The following LRBA variants were observed in gnomAD, a reference collection of about 807,000 sequenced individuals.
LRBA encodes lipopolysaccharide-responsive and beige-like anchor protein.
Under a neutral mutation model 330.0 loss-of-function variants are expected in LRBA, and 176 were observed. The observed-to-expected ratio is 0.53, with a 90% CI of 0.47 to 0.60. The LOEUF (loss-of-function observed/expected upper bound fraction) is 0.60. Ranked by LOEUF, LRBA falls within the 20% of genes least tolerant of loss-of-function variation. The probability of loss-of-function intolerance (pLI) is 0.00; values close to 1 mark genes in which losing one functional copy is unlikely to be tolerated. For synonymous variants in LRBA, 1,230 were observed against 1,193.0 expected (o/e 1.03, Z -0.64); for missense variants, 3,259 against 3,444.8 (o/e 0.95, Z 1.35).
At position 150,806,237 on chromosome 4, in the gene LRBA, A is replaced by G. The variant is rs377368604; in HGVS notation, c.5518+34T>C. The G allele has an allele frequency of 2.2e-5, 31 of 1,440,800 alleles. No individual in the cohort carries two copies. In the African/African-American group the frequency reaches 3.4e-4, roughly 16 times the overall value. The allele number at this position is 1,440,800 out of a possible 1,614,324, so 89.3% of individuals were successfully genotyped here. A position where few individuals can be genotyped will look rare whatever the true frequency, so the allele number is the denominator to read the frequency against. ...GTAAGTTTTTAATCCTGAAATATAAATACATACAAATAAAATAAAGAAAAA... is the reference window on the plus strand; with the variant it reads ...GTAAGTTTTTAATCCTGAAATATAAGTACATACAAATAAAATAAAGAAAAA... On this transcript the variant is annotated intron_variant, in intron 33 of 56. Transcript: ENST00000651943.
intron 44 of LRBA, among the ~76,000 whole-genome samples, chr4:150,462,103 A>G (rs930510432): frequency 1.3e-5 from 2 of 151,798 alleles, no homozygotes; most frequent in African/African-American, 4.8e-5. Context: ...GTTGAATCTT[A>G]TCTCTTCCAA....
chr4:150,858,819 G>A (rs1055983480), intron 22 of LRBA, among the ~76,000 whole-genome samples: 2 of 152,108 alleles, frequency 1.3e-5, no homozygotes, highest in African/African-American at 4.8e-5. Context: ...ACCATGTCCA[G>A]CCAATTTTGT....
At position 150,325,907 on chromosome 4, in the gene LRBA, G is replaced by C. The variant is rs1733190248; in HGVS notation, c.7363-9C>G. The stretch of plus-strand genomic sequence containing the variant: ...ATTTGAGCTTCAACAGCCTGAAAAG[G>C]GCAGGGGCAAGTCTGAAGGTTAAGA... On this transcript the variant is annotated splice_polypyrimidine_tract_variant and intron_variant, in intron 48 of 56. Coordinates refer to ENST00000651943, the MANE Select transcript of LRBA (RefSeq NM_001364905.1). 3 of 1,562,840 alleles carry C rather than the reference G, an allele frequency of 1.9e-6. No individual in the cohort carries two copies. In the Admixed American group the frequency reaches 5.0e-5, roughly 26 times the overall value.
At chr4:150,324,911 T>A (rs372088784) in intron 49 of LRBA, among the ~76,000 whole-genome samples, 17 of 152,180 alleles carry the variant, frequency 1.1e-4, no homozygotes, top group African/African-American at 3.9e-4. Context: ...CTGCCAATTT[T>A]TTTTTCCTCA....
chr4:150,433,442 G>A (rs1750693694), intron 46 of LRBA, among the ~76,000 whole-genome samples: 1 of 152,058 alleles, frequency 6.6e-6, no homozygotes, highest in South Asian at 2.1e-4. Flanking sequence ...GGAATGTCTA[G>A]TACAGATAGA....
At chr4:150,455,345 C>T (rs62344662) in intron 44 of LRBA, among the ~76,000 whole-genome samples, 33,051 of 151,398 alleles carry the variant, frequency 0.22, 4,357 homozygotes, top group Non-Finnish European at 0.3. Flanking sequence ...ATGTTTATTG[C>T]GGCATTATTC....
At chr4:150,606,662 G>A (rs1041475242) in intron 37 of LRBA, among the ~76,000 whole-genome samples, 2 of 152,144 alleles carry the variant, frequency 1.3e-5, no homozygotes, top group Non-Finnish European at 1.5e-5. Flanking sequence ...TTTTAAAGGT[G>A]ACGAAAGTAA....
intron 37 of LRBA, among the ~76,000 whole-genome samples, chr4:150,653,730 G>C (rs1232708621): frequency 6.6e-6 from 1 of 152,058 alleles, no homozygotes; most frequent in Non-Finnish European, 1.5e-5. Flanking sequence ...TTCGCTTCTC[G>C]ATTTTTAATA....
chr4:150,953,640 A>G (rs1468485712), intron 2 of LRBA, among the ~76,000 whole-genome samples: 1 of 152,108 alleles, frequency 6.6e-6, no homozygotes, highest in Admixed American at 6.5e-5. Context: ...CCGGGATTGC[A>G]GACAGAGTCT....
At chr4:150,417,627 T>C (rs1747968462) in intron 46 of LRBA, among the ~76,000 whole-genome samples, 1 of 152,206 alleles carries the variant, frequency 6.6e-6, no homozygotes, top group South Asian at 2.1e-4. Flanking sequence ...CATGCTCTTG[T>C]TTTATAATTC....
chr4:150,839,009 A>AC (rs1296850726), intron 28 of LRBA, among the ~76,000 whole-genome samples: 1 of 152,226 alleles, frequency 6.6e-6, no homozygotes, highest in African/African-American at 2.4e-5. Flanking sequence ...AAGGGCTAAT[A>AC]TCCAGAATCT....
intron 2 of LRBA, among the ~76,000 whole-genome samples, chr4:150,981,899 G>T (rs1740890026): frequency 6.6e-6 from 1 of 150,694 alleles, no homozygotes; most frequent in Admixed American, 6.6e-5. Flanking sequence ...GGAGGCGGAG[G>T]TTGCAGGGAG....
At chr4:150,841,606 G>A (rs1011969229) in intron 28 of LRBA, among the ~76,000 whole-genome samples, 14 of 151,574 alleles carry the variant, frequency 9.2e-5, no homozygotes, top group African/African-American at 2.4e-4. Flanking sequence ...TATTTATGTC[G>A]TCGATCTTAG....
rs1281101002 is a variant in LRBA, at chr4:150,900,092, T to A, written c.1881A>T (p.Ala627=). 1.2e-6 allele frequency: 2 copies of A among 1,613,464 alleles called. No homozygotes were observed. The highest frequency in any genetic ancestry group is 2.7e-5 in the African/African-American group (2 of 74,914). Reference sequence around the variant, plus strand: ...TACCACTTCGATCCTGAGGATTCACTGCCCAGTAGTAGTACTTCAGCGTGT... The same window carrying A: ...TACCACTTCGATCCTGAGGATTCACAGCCCAGTAGTAGTACTTCAGCGTGT... ...IMHTLKYYYW[A]VNPQDRSGIT... is the part of the protein sequence containing the mutation. Residue 627 remains alanine (A), a synonymous_variant, in exon 14 of 57, where the codon GCA becomes GCT. Transcript: ENST00000651943.
chr4:150,450,225 CA>C (rs965246798), intron 44 of LRBA, among the ~76,000 whole-genome samples: 59 of 152,116 alleles, frequency 3.9e-4, no homozygotes, highest in Non-Finnish European at 7.2e-4. Flanking sequence ...ATTCTTTTAT[CA>C]AAAAAATAAC....
At chr4:150,343,053 T>TG (rs1209461266) in intron 48 of LRBA, among the ~76,000 whole-genome samples, 1 of 63,778 alleles carries the variant, frequency 1.6e-5, no homozygotes, top group East Asian at 4.1e-4. Flanking sequence ...GGCCTGGAGG[T>TG]GGGGGTGGGG....
At chr4:150,635,126 C>T (rs1777762547) in intron 37 of LRBA, among the ~76,000 whole-genome samples, 1 of 152,176 alleles carries the variant, frequency 6.6e-6, no homozygotes, top group South Asian at 2.1e-4. Flanking sequence ...GGCAGATTAG[C>T]ATCCGAGACG....
chr4:150,357,480 A>T (rs1738022730), intron 47 of LRBA, among the ~76,000 whole-genome samples: 1 of 151,998 alleles, frequency 6.6e-6, no homozygotes, highest in Non-Finnish European at 1.5e-5. Flanking sequence ...AAAATGTTTA[A>T]AATACTCCTA....
At chr4:150,824,970 G>A (rs1746010749) in intron 30 of LRBA, among the ~76,000 whole-genome samples, 2 of 151,540 alleles carry the variant, frequency 1.3e-5, no homozygotes, top group Non-Finnish European at 2.9e-5. Context: ...TCACCGTGTT[G>A]CCCAGGCTAG....
Sources: allele counts gnomAD v4.1 joint callset (sites outside exome capture counted in the v4.1 genomes callset), GRCh38; gene constraint gnomAD v4.1.1; transcripts MANE v1.5; gene names NCBI Gene and HGNC (gene_info 2026-07-23, HGNC 2026-07-21).